KIAA0825: variants seen among roughly 807,000 people sequenced by gnomAD.
KIAA0825 encodes the protein KIAA0825.
Under a neutral mutation model 147.6 loss-of-function variants are expected in KIAA0825, and 119 were observed. The ratio of observed to expected loss-of-function variants is 0.81; its 90% CI spans 0.69 to 0.94. KIAA0825 has a LOEUF of 0.94. KIAA0825 is among the 40% of genes least tolerant of loss of function. KIAA0825 has a pLI of 0.00. For missense variants in KIAA0825, 1,381 were observed against 1,472.7 expected, an observed-to-expected ratio of 0.94 and a Z score of 1.02; for synonymous variants, 470 against 518.1, an observed-to-expected ratio of 0.91 and a Z score of 1.26.
At chr5:94,610,225 G>C (rs1788433788) in intron 1 of KIAA0825, among the ~76,000 whole-genome samples, 1 of 151,720 alleles carries the variant, frequency 6.6e-6, no homozygotes, top group South Asian at 2.1e-4. Flanking sequence ...TTCGAGACCA[G>C]CCTGGCCAAC....
intron 2 of KIAA0825, among the ~76,000 whole-genome samples, chr5:94,539,766 A>G (rs1275485432): frequency 6.6e-6 from 1 of 151,890 alleles, no homozygotes; most frequent in African/African-American, 2.4e-5. Context: ...TAGAGACCCA[A>G]CTTAGGAGGG....
intron 20 of KIAA0825, among the ~76,000 whole-genome samples, chr5:94,242,607 C>T (rs1202487534): frequency 1.4e-5 from 2 of 145,086 alleles, no homozygotes; most frequent in Non-Finnish European, 1.5e-5. Context: ...TCCTTTCTTC[C>T]TTCCTTCCTT....
intron 20 of KIAA0825, among the ~76,000 whole-genome samples, chr5:94,366,502 TC>T (rs888487196): frequency 2.0e-5 from 3 of 152,154 alleles, no homozygotes; most frequent in African/African-American, 7.2e-5. Flanking sequence ...TACTATTTAA[TC>T]CCTGGCCCCA....
intron 20 of KIAA0825, among the ~76,000 whole-genome samples, chr5:94,312,796 G>A (rs1457875995): frequency 6.6e-6 from 1 of 151,558 alleles, no homozygotes; most frequent in Non-Finnish European, 1.5e-5. Context: ...AAGGTTTAGA[G>A]CAAACATTAA....
intron 20 of KIAA0825, among the ~76,000 whole-genome samples, chr5:94,234,261 C>T (rs1050619256): frequency 4.6e-5 from 7 of 151,764 alleles, no homozygotes; most frequent in Non-Finnish European, 5.9e-5. Flanking sequence ...GTCCCAGCTA[C>T]GCGGGAGGCT....
intron 20 of KIAA0825, among the ~76,000 whole-genome samples, chr5:94,231,350 TA>T (rs1173457114): frequency 6.6e-6 from 1 of 152,162 alleles, no homozygotes; most frequent in Non-Finnish European, 1.5e-5. Context: ...TCACCATTAA[TA>T]CATAATAACC....
chr5:94,336,261 C>CTTT (rs34128147), intron 20 of KIAA0825, among the ~76,000 whole-genome samples: 1 of 142,238 alleles, frequency 7.0e-6, no homozygotes, highest in African/African-American at 2.6e-5. Context: ...TCTTTTCTTT[C>CTTT]TTTTTTTTTT....
intron 20 of KIAA0825, among the ~76,000 whole-genome samples, chr5:94,323,286 T>C (rs1780368804): frequency 6.6e-6 from 1 of 151,970 alleles, no homozygotes. Flanking sequence ...TTTGAACAAA[T>C]TGCTGAGGGA....
rs879853305 is a variant in KIAA0825, at chr5:94,508,132, AT to A, written c.970+12115del. Among the ~76,000 whole-genome samples, 703 of 145,446 alleles carry A rather than the reference AT, an allele frequency of 4.8e-3. 2 individuals are homozygous for A. The highest frequency in any genetic ancestry group is 0.014 in the African/African-American group (576 of 40,116). ...TTTTTATGTCTCACTGTGGTATGCA[AT>A]TTTTTTTTTTTTGCTAACTGTATGT... On this transcript the variant is annotated intron_variant, in intron 5 of 20. Transcript: ENST00000682413.
chr5:94,164,809 C>G (rs957023939), intron 20 of KIAA0825, among the ~76,000 whole-genome samples: 1 of 151,968 alleles, frequency 6.6e-6, no homozygotes, highest in Non-Finnish European at 1.5e-5. Flanking sequence ...TATTCATATA[C>G]AGAAGAATGA....
At chr5:94,204,176 G>A (rs1771947162) in intron 20 of KIAA0825, among the ~76,000 whole-genome samples, 1 of 152,090 alleles carries the variant, frequency 6.6e-6, no homozygotes, top group African/African-American at 2.4e-5. Context: ...GAACAAATTT[G>A]TACTTCTTTG....
chr5:94,471,841 T>C (rs1761243558), intron 8 of KIAA0825, 110 bp from the exon 9 acceptor site: 1 of 949,336 alleles, frequency 1.1e-6, no homozygotes, highest in South Asian at 1.7e-5. Context: ...CAAACATAAA[T>C]ATAATGACGC....
intron 9 of KIAA0825, among the ~76,000 whole-genome samples, chr5:94,470,418 A>G (rs1400309493): frequency 1.3e-5 from 2 of 152,244 alleles, no homozygotes; most frequent in African/African-American, 2.4e-5. Flanking sequence ...CTGTTATTAG[A>G]GATCAGTGCA....
In KIAA0825 at chr5:94,582,530, T is replaced by A. The variant is rs537918403; in HGVS notation, c.-99A>T. On this transcript the variant is annotated 5_prime_UTR_variant, in exon 2 of 21. Transcript: ENST00000682413. ...AAGAGTTGTCAGCAGAAGAACTGTC[T>A]CTTTTCTAGTAACTTCAGCAACGTT... 9.9e-5 allele frequency: 15 copies of A among 152,192 alleles called. No homozygotes were observed. Among genetic ancestry groups the A allele is most frequent in the South Asian group, 6.2e-4 (3 of 4,812 alleles). 9.4% of individuals were successfully genotyped at this position (152,192 alleles called of 1,614,324 possible).
intron 20 of KIAA0825, among the ~76,000 whole-genome samples, chr5:94,287,046 A>G (rs1777691268): frequency 6.6e-6 from 1 of 152,054 alleles, no homozygotes; most frequent in Non-Finnish European, 1.5e-5. Context: ...AATCATTTAT[A>G]TTTTCTGAGT....
At chr5:94,535,004 C>T (rs1301438463) in intron 3 of KIAA0825, among the ~76,000 whole-genome samples, 1 of 151,536 alleles carries the variant, frequency 6.6e-6, no homozygotes, top group Non-Finnish European at 1.5e-5. Flanking sequence ...ACATAATTAC[C>T]CTATAGTTAT....
At chr5:94,219,847 G>C (rs918158973) in intron 20 of KIAA0825, among the ~76,000 whole-genome samples, 1 of 152,188 alleles carries the variant, frequency 6.6e-6, no homozygotes, top group African/African-American at 2.4e-5. Flanking sequence ...CAGTGAGTGA[G>C]TGGTGAATGA....
At chr5:94,585,258 G>C (rs1350368003) in intron 1 of KIAA0825, among the ~76,000 whole-genome samples, 2 of 152,170 alleles carry the variant, frequency 1.3e-5, no homozygotes, top group East Asian at 3.8e-4. Flanking sequence ...ATTGGATAAA[G>C]AGTCAAGACC....
At chr5:94,617,267 A>G (rs1790785681) in intron 1 of KIAA0825, among the ~76,000 whole-genome samples, 1 of 152,202 alleles carries the variant, frequency 6.6e-6, no homozygotes, top group Non-Finnish European at 1.5e-5. Context: ...AATACTTTCA[A>G]CTGGAGAAAT....
Sources: allele counts gnomAD v4.1 joint callset (sites outside exome capture counted in the v4.1 genomes callset), GRCh38; gene constraint gnomAD v4.1.1; transcripts MANE v1.5; gene names NCBI Gene and HGNC (gene_info 2026-07-23, HGNC 2026-07-21).